Variants in CEMIP observed in about 807,000 individuals in gnomAD.
CEMIP encodes cell migration inducing hyaluronidase 1.
In CEMIP, 105 loss-of-function variants were observed where a neutral mutation model predicts 156.9. That is an observed-to-expected ratio of 0.67 (90% confidence interval 0.57 to 0.79). The LOEUF is 0.79. Among genes scored for constraint, CEMIP ranks in the 30% least tolerant of loss-of-function variants. The pLI is 0.00. For missense variants in CEMIP, 1,457 were observed against 1,769.4 expected, an observed-to-expected ratio of 0.82 and a Z score of 3.17; for synonymous variants, 676 against 668.4, an observed-to-expected ratio of 1.01 and a Z score of -0.17.
intron 1 of CEMIP, among the ~76,000 whole-genome samples, chr15:80,863,205 T>C (rs1898030932): frequency 6.6e-6 from 1 of 152,270 alleles, no homozygotes; most frequent in Non-Finnish European, 1.5e-5. Flanking sequence ...AAAAGAGTGA[T>C]GTATTTTTTA....
rs970295995 is a variant in CEMIP at position 80,803,465 on chromosome 15, TA to T, written c.-176+23861del. Among the ~76,000 whole-genome samples the T allele has an allele frequency of 1.4e-3, 209 of 148,924 alleles. 3 individuals carry two copies. The highest frequency in any genetic ancestry group is 5.1e-3 in the East Asian group (26 of 5,136). ...AACCCAAAACGTTTAACTTTAGAAT[TA>T]AAAAAAAAATGAAAAAGAATCTTAG... On this transcript the variant is annotated intron_variant, in intron 1 of 29. Transcript: ENST00000394685.
At chr15:80,808,101 A>T (rs771835511) in intron 1 of CEMIP, among the ~76,000 whole-genome samples, 1 of 152,232 alleles carries the variant, frequency 6.6e-6, no homozygotes, top group Non-Finnish European at 1.5e-5. Flanking sequence ...CACTCTTAGT[A>T]ACCCTTTGAA....
chr15:80,792,942 G>A (rs1896119551), intron 1 of CEMIP, among the ~76,000 whole-genome samples: 1 of 152,194 alleles, frequency 6.6e-6, no homozygotes, highest in Non-Finnish European at 1.5e-5. Flanking sequence ...AGCATTTCCT[G>A]AGACCTACTA....
In CEMIP at chr15:80,951,214, G is replaced by A. The variant is rs1372017817; in HGVS notation, c.*2290G>A. 1 of 152,658 alleles carries A rather than the reference G, an allele frequency of 6.6e-6. No homozygotes were observed. Among genetic ancestry groups the A allele is most frequent in the Non-Finnish European group, 1.5e-5 (1 of 68,056 alleles). The allele number at this position is 152,658 out of a possible 1,614,324, so 9.5% of individuals were successfully genotyped here. A position where few individuals can be genotyped will look rare whatever the true frequency, so the allele number is the denominator to read the frequency against. On this transcript the variant is annotated 3_prime_UTR_variant, in exon 30 of 30. Transcript: ENST00000394685. ...CCACTTAGGATGTGATCACTTTCAG[G>A]TGGCCAGGAATGTTGAATGTCTTTG...
chr15:80,892,816 C>G (rs1332552777), intron 10 of CEMIP, among the ~76,000 whole-genome samples: 1 of 152,200 alleles, frequency 6.6e-6, no homozygotes, highest in African/African-American at 2.4e-5. Context: ...TAATTATTTC[C>G]TCATGGGCAT....
intron 11 of CEMIP, among the ~76,000 whole-genome samples, chr15:80,895,578 G>C (rs368873456): frequency 1.3e-5 from 2 of 152,104 alleles, no homozygotes; most frequent in African/African-American, 4.8e-5. Flanking sequence ...AACTATATTT[G>C]TTTTACATCT....
At chr15:80,899,224 A>AG (rs1186706937) in intron 12 of CEMIP, among the ~76,000 whole-genome samples, 4 of 94,888 alleles carry the variant, frequency 4.2e-5, no homozygotes, top group Admixed American at 1.3e-4. Flanking sequence ...AAAAAAAAAA[A>AG]AAAAGAAAGA....
intron 1 of CEMIP, among the ~76,000 whole-genome samples, chr15:80,844,387 T>C (rs1206552321): frequency 6.6e-6 from 1 of 152,140 alleles, no homozygotes; most frequent in Non-Finnish European, 1.5e-5. Context: ...AAAAAAAGAC[T>C]AATGCCAGGA....
rs866912635 is a variant in CEMIP at position 80,896,114 on chromosome 15, C to T, written c.1411+54C>T. ...CTGGATGAATCTGAAAATTGTTAGG[C>T]TTAAAGTAAACTGAAGTTACAACAA... On this transcript the variant is annotated intron_variant, in intron 12 of 29. Coordinates refer to ENST00000394685, the MANE Select transcript of CEMIP (RefSeq NM_001293298.2). The T allele has an allele frequency of 3.9e-6, 6 of 1,555,790 alleles. No individual in the cohort carries two copies. The South Asian group carries it at 5.6e-5, about 14-fold the overall frequency.
At chr15:80,898,236 A>C (rs1899313070) in intron 12 of CEMIP, among the ~76,000 whole-genome samples, 1 of 152,216 alleles carries the variant, frequency 6.6e-6, no homozygotes, top group Admixed American at 6.5e-5. Flanking sequence ...AATGCCAGTT[A>C]TTTGCTGTAT....
At chr15:80,852,697 C>T (rs1366699961) in intron 1 of CEMIP, among the ~76,000 whole-genome samples, 1 of 152,098 alleles carries the variant, frequency 6.6e-6, no homozygotes, top group African/African-American at 2.4e-5. Context: ...AGTCTCACCC[C>T]CTCCCTTTTC....
In CEMIP at chr15:80,932,050, C is replaced by A. The variant is rs756679958; in HGVS notation, c.2793+11C>A. 6.2e-7 allele frequency: 1 copy of A among 1,612,134 alleles called. No individual in the cohort carries two copies. Among genetic ancestry groups the A allele is most frequent in the South Asian group, 1.1e-5 (1 of 91,070 alleles). Reference sequence around the variant, plus strand: ...TTTGAGGACGTTCCGGTGAGTGAGGCGCCAGGGCAGACTCCCGGCAAACCC... The same window carrying A: ...TTTGAGGACGTTCCGGTGAGTGAGGAGCCAGGGCAGACTCCCGGCAAACCC... On this transcript the variant is annotated intron_variant, in intron 22 of 29. Coordinates refer to ENST00000394685, the MANE Select transcript of CEMIP (RefSeq NM_001293298.2). The surrounding 1 kb of genome is among the most constrained non-coding windows in gnomAD (Gnocchi z 4.5).
chr15:80,933,208 C>G (rs1317939847), intron 22 of CEMIP, 37 bp from the exon 23 acceptor site: 18 of 1,573,600 alleles, frequency 1.1e-5, no homozygotes, highest in Non-Finnish European at 1.5e-5. Flanking sequence ...TTCCCTTCAC[C>G]TTCTAGCCCT....
intron 10 of CEMIP, among the ~76,000 whole-genome samples, chr15:80,894,052 C>T (rs978563783): frequency 6.6e-6 from 1 of 152,170 alleles, no homozygotes; most frequent in Admixed American, 6.5e-5. Flanking sequence ...CCTAAATTCT[C>T]CACCTGGCCT....
At chr15:80,940,948 G>C (rs1372748965) in intron 25 of CEMIP, among the ~76,000 whole-genome samples, 3 of 152,212 alleles carry the variant, frequency 2.0e-5, no homozygotes, top group African/African-American at 7.2e-5. Flanking sequence ...AACTCCATGT[G>C]GTCTTTTAGT....
At chr15:80,857,446 G>C (rs1897879990) in intron 1 of CEMIP, among the ~76,000 whole-genome samples, 1 of 152,142 alleles carries the variant, frequency 6.6e-6, no homozygotes, top group African/African-American at 2.4e-5. Context: ...TGGCCCTACT[G>C]GTTAATATTA....
intron 28 of CEMIP, among the ~76,000 whole-genome samples, chr15:80,943,960 G>A (rs894089110): frequency 2.6e-5 from 4 of 152,140 alleles, no homozygotes; most frequent in African/African-American, 9.7e-5. Context: ...CGCCTCCTCG[G>A]TGAGGTCTTT....
chr15:80,864,411 C>G (rs1485704790), intron 1 of CEMIP, among the ~76,000 whole-genome samples: 2 of 152,276 alleles, frequency 1.3e-5, no homozygotes, highest in South Asian at 4.2e-4. Flanking sequence ...AAAAGGCTAC[C>G]CTAAAAGCCC....
intron 1 of CEMIP, among the ~76,000 whole-genome samples, chr15:80,855,104 T>C (rs12901524): frequency 0.5 from 75,330 of 152,042 alleles, 19,434 homozygotes; most frequent in Non-Finnish European, 0.58. Flanking sequence ...GAAGGATCGC[T>C]TGAGTACAGG....
Sources: allele counts gnomAD v4.1 joint callset (sites outside exome capture counted in the v4.1 genomes callset), GRCh38; gene constraint gnomAD v4.1.1; non-coding constraint Gnocchi (gnomAD v3.1); transcripts MANE v1.5; gene names NCBI Gene and HGNC (gene_info 2026-07-23, HGNC 2026-07-21).